The following NRXN3 variants were observed in gnomAD, a reference collection of about 807,000 sequenced individuals.
NRXN3 encodes neurexin 3, also known as neurexin III.
In NRXN3, 32 loss-of-function variants were observed where a neutral mutation model predicts 137.6. The observed-to-expected ratio is 0.23, with a 90% CI of 0.18 to 0.31. NRXN3 has a LOEUF of 0.31. Among genes scored for constraint, NRXN3 ranks in the 10% least tolerant of loss-of-function variants. The pLI, the probability that NRXN3 is intolerant of heterozygous loss-of-function variation, is 1.00. For synonymous variants in NRXN3, 798 were observed against 784.5 expected (o/e 1.02, Z -0.29); for missense variants, 1,574 against 2,062.5 (o/e 0.76, Z 4.59).
chr14:78,564,736 G>A (rs1388146040), intron 4 of NRXN3, among the ~76,000 whole-genome samples: 2 of 151,914 alleles, frequency 1.3e-5, no homozygotes, highest in Non-Finnish European at 1.5e-5. Context: ...TTGTCTTCAC[G>A]GCCGCCATGG....
At chr14:79,746,864 C>A (rs2098981300) in intron 19 of NRXN3, among the ~76,000 whole-genome samples, 2 of 152,264 alleles carry the variant, frequency 1.3e-5, no homozygotes, top group African/African-American at 4.8e-5. Context: ...ACCCCTAAAA[C>A]TATTTAGACA....
rs149327786 is a variant in NRXN3 at position 78,726,782 on chromosome 14, G to A, written c.2044+11643G>A. Among the ~76,000 whole-genome samples, 1,168 of 151,738 alleles carry A rather than the reference G, an allele frequency of 7.7e-3. 75 individuals carry two copies. In the East Asian group the frequency reaches 0.16, roughly 21 times the overall value. ...AGTCTGCCCACCTCGGCCTCCCAAC[G>A]TGCTGGGATTACAGGCGTGAGTCAT... On this transcript the variant is annotated intron_variant, in intron 8 of 20. Coordinates refer to ENST00000335750, the MANE Select transcript of NRXN3 (RefSeq NM_001330195.2).
At chr14:78,829,985 G>C (rs936793368) in intron 10 of NRXN3, among the ~76,000 whole-genome samples, 1 of 152,156 alleles carries the variant, frequency 6.6e-6, no homozygotes, top group East Asian at 1.9e-4. Context: ...AAGAATTGCC[G>C]AAAGAGAGGA....
intron 10 of NRXN3, among the ~76,000 whole-genome samples, chr14:78,858,050 G>C (rs2099062316): frequency 6.6e-6 from 1 of 152,196 alleles, no homozygotes; most frequent in Non-Finnish European, 1.5e-5. Context: ...ACGAAGGAAA[G>C]TTTCTGAAAA....
At chr14:78,879,061 T>C (rs954756670) in intron 10 of NRXN3, among the ~76,000 whole-genome samples, 17 of 152,212 alleles carry the variant, frequency 1.1e-4, no homozygotes, top group Admixed American at 5.2e-4. Flanking sequence ...TCAATAATAT[T>C]GGTTGTGTAC....
chr14:79,670,180 A>G (rs2098599157), intron 17 of NRXN3, among the ~76,000 whole-genome samples: 1 of 152,060 alleles, frequency 6.6e-6, no homozygotes, highest in African/African-American at 2.4e-5. Flanking sequence ...CAGGACTACA[A>G]TATGCCATCT....
intron 19 of NRXN3, among the ~76,000 whole-genome samples, chr14:79,740,277 G>A (rs2098956510): frequency 6.6e-6 from 1 of 151,886 alleles, no homozygotes; most frequent in African/African-American, 2.4e-5. Flanking sequence ...CCTCCCAACT[G>A]GCCACTCTGC....
In NRXN3 at chr14:78,278,389, G is replaced by A. The variant is rs1032279184; in HGVS notation, c.710-256G>A. Among the ~76,000 whole-genome samples, 18 of 152,142 alleles carry A rather than the reference G, an allele frequency of 1.2e-4. No homozygotes were observed. The East Asian group carries it at 1.3e-3, about 11-fold the overall frequency. On this transcript the variant is annotated intron_variant, in intron 2 of 20. Transcript: ENST00000335750. ...TCTGATTCCAGGATGATGTCTTTCC[G>A]GACAGATGTGAAGCTTACCTCTCTT...
intron 10 of NRXN3, among the ~76,000 whole-genome samples, chr14:78,922,016 C>T (rs1371823386): frequency 6.6e-6 from 1 of 152,312 alleles, no homozygotes; most frequent in African/African-American, 2.4e-5. Context: ...GACTTCTCCA[C>T]ATCTCTAAGT....
chr14:78,959,835 T>A (rs1049579370), intron 11 of NRXN3, among the ~76,000 whole-genome samples: 10 of 152,158 alleles, frequency 6.6e-5, no homozygotes, highest in Admixed American at 1.3e-4. Flanking sequence ...TCTGGGCTTG[T>A]CTCTGAAGGG....
intron 16 of NRXN3, among the ~76,000 whole-genome samples, chr14:79,590,121 C>T (rs1271974283): frequency 1.3e-5 from 2 of 151,996 alleles, no homozygotes; most frequent in Non-Finnish European, 2.9e-5. Flanking sequence ...GGCTGTGTCC[C>T]CACTGAAATC....
intron 4 of NRXN3, among the ~76,000 whole-genome samples, chr14:78,340,565 T>G (rs1163146375): frequency 2.0e-5 from 3 of 152,164 alleles, no homozygotes; most frequent in Non-Finnish European, 4.4e-5. Context: ...TAGTGTTGAC[T>G]GGAGGCTGAG....
At chr14:79,685,266 A>G (rs2098690119) in intron 17 of NRXN3, among the ~76,000 whole-genome samples, 1 of 152,140 alleles carries the variant, frequency 6.6e-6, no homozygotes, top group Non-Finnish European at 1.5e-5. Flanking sequence ...CCATGTTGCA[A>G]TTATTATTAC....
chr14:79,364,538 C>T (rs902613037), intron 15 of NRXN3, among the ~76,000 whole-genome samples: 1 of 151,964 alleles, frequency 6.6e-6, no homozygotes, highest in Non-Finnish European at 1.5e-5. Flanking sequence ...TGAAATCAGT[C>T]ACAAATGTAG....
Position 78,335,341 on chromosome 14 carries a change from C to CT in NRXN3, c.757+37482dup. The stretch of plus-strand genomic sequence containing the variant: ...CCATTGTCTGTGGCCCTCTGGCACT[C>CT]TGTCAGCTCTTTTAAATCATCAGTT... On this transcript the variant is annotated intron_variant, in intron 4 of 20. Coordinates refer to ENST00000335750, the MANE Select transcript of NRXN3 (RefSeq NM_001330195.2). 2.0e-5 allele frequency among the ~76,000 whole-genome samples: 3 copies of CT among 152,294 alleles called. 1 individual carries two copies. The highest frequency in any genetic ancestry group is 2.0e-4 in the Admixed American group (3 of 15,288).
intron 4 of NRXN3, among the ~76,000 whole-genome samples, chr14:78,591,757 T>A (rs1387962354): frequency 6.6e-6 from 1 of 151,972 alleles, no homozygotes; most frequent in Non-Finnish European, 1.5e-5. Context: ...CCTATAAGAG[T>A]AGATACCAGA....
intron 19 of NRXN3, among the ~76,000 whole-genome samples, chr14:79,714,509 A>G (rs1469454097): frequency 6.6e-6 from 1 of 152,252 alleles, no homozygotes; most frequent in Non-Finnish European, 1.5e-5. Context: ...GCAACCATAT[A>G]GAAAACATGC....
rs1446530218 is a variant in NRXN3, at chr14:79,223,280, G to C, written c.3262+235139G>C. 2.0e-5 allele frequency among the ~76,000 whole-genome samples: 3 copies of C among 152,104 alleles called. No homozygotes were observed. In the East Asian group the frequency reaches 5.8e-4, roughly 29 times the overall value. ...AAAGAGTTTGTCAGAAGTATGCCTTGGAGCCATGGGCATTGTTCATTACTC... is the reference window on the plus strand; with the variant it reads ...AAAGAGTTTGTCAGAAGTATGCCTTCGAGCCATGGGCATTGTTCATTACTC... On this transcript the variant is annotated intron_variant, in intron 15 of 20. Coordinates refer to ENST00000335750, the MANE Select transcript of NRXN3 (RefSeq NM_001330195.2).
intron 4 of NRXN3, among the ~76,000 whole-genome samples, chr14:78,521,731 A>G (rs1276244949): frequency 1.3e-5 from 2 of 152,212 alleles, no homozygotes; most frequent in Non-Finnish European, 2.9e-5. Context: ...CCACAATGAT[A>G]TATAACTGGA....
Sources: allele counts gnomAD v4.1 joint callset (sites outside exome capture counted in the v4.1 genomes callset), GRCh38; gene constraint gnomAD v4.1.1; transcripts MANE v1.5; gene names NCBI Gene and HGNC (gene_info 2026-07-23, HGNC 2026-07-21).